The following TPGS2 variants were observed in gnomAD, a reference collection of about 807,000 sequenced individuals.
TPGS2 encodes polyglutamylase subunit 2.
A neutral mutation model predicts 31.1 loss-of-function variants in TPGS2; 26 were observed. That is an observed-to-expected ratio of 0.84 (90% CI 0.61 to 1.16). The LOEUF (loss-of-function observed/expected upper bound fraction) is 1.16, where lower values mean the gene tolerates loss of function less well. Among genes scored for constraint, TPGS2 ranks in the 50% most tolerant of loss-of-function variants. The probability of loss-of-function intolerance (pLI) is 0.00; values close to 1 mark genes in which losing one functional copy is unlikely to be tolerated. For synonymous variants in TPGS2, 130 were observed against 136.6 expected (o/e 0.95, Z 0.34); for missense variants, 351 against 363.8 (o/e 0.96, Z 0.29).
downstream of TPGS2, among the ~76,000 whole-genome samples, chr18:36,791,315 C>T (rs990569051): frequency 6.6e-6 from 1 of 152,140 alleles, no homozygotes; most frequent in African/African-American, 2.4e-5. Context: ...GATTAATATA[C>T]CATCTCCACA....
At chr18:36,822,009 G>A (rs1456179416) in intron 1 of TPGS2, among the ~76,000 whole-genome samples, 2 of 152,168 alleles carry the variant, frequency 1.3e-5, no homozygotes, top group Admixed American at 1.3e-4. Context: ...AGAACAAATG[G>A]GGAGACCAGG....
At chr18:36,800,177 A>G (rs758191432) in intron 5 of TPGS2, 21 bp downstream of exon 5, 3 of 1,608,482 alleles carry the variant, frequency 1.9e-6, no homozygotes, top group Non-Finnish European at 1.7e-6. Context: ...CTACGGGACC[A>G]CGCTTGTAAA....
downstream of TPGS2, chr18:36,780,055 C>T (rs2043964315): frequency 1.0e-6 from 1 of 953,700 alleles, no homozygotes; most frequent in Admixed American, 4.3e-5. Flanking sequence ...AGTTTAATGC[C>T]ATAATGAGAA....
At chr18:36,789,319 T>C (rs1258547493), downstream of TPGS2, 2 of 152,238 alleles carry the variant, frequency 1.3e-5, no homozygotes, top group East Asian at 1.9e-4. Context: ...AAGCCGTGCT[T>C]GCTCTAACTA....
downstream of TPGS2, among the ~76,000 whole-genome samples, chr18:36,791,377 C>A (rs1349018246): frequency 1.3e-5 from 2 of 152,192 alleles, no homozygotes; most frequent in Admixed American, 1.3e-4. Context: ...TTGAGTGGTA[C>A]TGGCATGAAG....
At chr18:36,808,376 T>C (rs749133420) in intron 2 of TPGS2, among the ~76,000 whole-genome samples, 1 of 151,984 alleles carries the variant, frequency 6.6e-6, no homozygotes, top group Non-Finnish European at 1.5e-5. Context: ...AAGTGAAGAG[T>C]GCCTGTAATC....
At chr18:36,828,604 C>G (rs2046311362) in intron 1 of TPGS2, 79 bp downstream of exon 1, 5 of 1,511,926 alleles carry the variant, frequency 3.3e-6, no homozygotes, top group South Asian at 1.2e-5. Context: ...AGCGTCGCAC[C>G]GCTCACCCCG....
At chr18:36,811,715 GGGA>G (rs2045437262) in intron 2 of TPGS2, among the ~76,000 whole-genome samples, 1 of 151,948 alleles carries the variant, frequency 6.6e-6, no homozygotes, top group African/African-American at 2.4e-5. Flanking sequence ...AGGCAACCTT[GGGA>G]AGGCTCGACA....
In TPGS2 at chr18:36,796,033, A is replaced by G. The variant is rs1567999257; in HGVS notation, c.*772T>C. 7.1e-6 allele frequency: 7 copies of G among 985,490 alleles called. No homozygotes were observed. The highest frequency in any genetic ancestry group is 8.4e-6 in the Non-Finnish European group (7 of 829,946). 61.0% of individuals were successfully genotyped at this position (985,490 alleles called of 1,614,324 possible). A position where few individuals can be genotyped will look rare whatever the true frequency, so the allele number is the denominator to read the frequency against. On this transcript the variant is annotated 3_prime_UTR_variant, in exon 7 of 7. Coordinates refer to ENST00000334295, the MANE Select transcript of TPGS2 (RefSeq NM_015476.4). ...TAATTGTGGAACGTGTACAAACATCATAACACAAAACTGGAAGCAAGAAAC... is the reference window on the plus strand; with the variant it reads ...TAATTGTGGAACGTGTACAAACATCGTAACACAAAACTGGAAGCAAGAAAC...
intron 6 of TPGS2, chr18:36,797,948 A>AGAGC: frequency 6.0e-6 from 1 of 165,724 alleles, no homozygotes. Flanking sequence ...TGTTATGTGA[A>AGAGC]AAGAACAAGA....
downstream of TPGS2, chr18:36,780,225 G>A (rs1227176677): frequency 8.2e-7 from 1 of 1,226,808 alleles, no homozygotes; most frequent in South Asian, 4.1e-5. Flanking sequence ...CATCAACAGT[G>A]TGCTCTTTGA....
Position 36,828,986 on chromosome 18 carries a change from C to G in TPGS2, c.-219G>C, listed in dbSNP as rs2046340518. ...GGTGCCCCACACCGCACCTCCGGGA[C>G]GTAGCTTCCCCTTCGCCCCCACCCT... On this transcript the variant is annotated 5_prime_UTR_variant, in exon 1 of 7. Transcript: ENST00000334295. 9.3e-7 allele frequency: 1 copy of G among 1,080,588 alleles called. No homozygotes were observed. The highest frequency in any genetic ancestry group is 1.3e-6 in the Non-Finnish European group (1 of 794,514). 66.9% of individuals were successfully genotyped at this position (1,080,588 alleles called of 1,614,324 possible).
At chr18:36,793,838 C>CG (rs1416920876), downstream of TPGS2, among the ~76,000 whole-genome samples, 2 of 151,730 alleles carry the variant, frequency 1.3e-5, no homozygotes, top group Non-Finnish European at 2.9e-5. Context: ...CCCAGGTTCA[C>CG]GCCATTCTCC....
rs1600777918 is a variant in TPGS2 at position 36,805,241 on chromosome 18, T to C, written c.382+133A>G. On this transcript the variant is annotated intron_variant, in intron 4 of 6. Transcript: ENST00000334295. ...AGATTGTCATGTTCCCTGAATCCTC[T>C]TGATACTGAAATGTTGAGTGAGGTT... The C allele has an allele frequency of 4.7e-6, 5 of 1,061,590 alleles. No individual in the cohort carries two copies. In the East Asian group the frequency reaches 1.0e-4, roughly 21 times the overall value. 65.8% of individuals were successfully genotyped at this position (1,061,590 alleles called of 1,614,324 possible). A position where few individuals can be genotyped will look rare whatever the true frequency, so the allele number is the denominator to read the frequency against.
intron 2 of TPGS2, among the ~76,000 whole-genome samples, chr18:36,809,782 C>T (rs575029781): frequency 6.6e-6 from 1 of 152,320 alleles, no homozygotes; most frequent in African/African-American, 2.4e-5. Flanking sequence ...AAGGAAACTA[C>T]TGTCTATCCG....
At chr18:36,806,810 C>T (rs1414671783) in intron 3 of TPGS2, among the ~76,000 whole-genome samples, 1 of 135,984 alleles carries the variant, frequency 7.4e-6, no homozygotes, top group African/African-American at 3.0e-5. Context: ...GAGATCGCGC[C>T]ACTGTACTCC....
rs61405145 is a variant in TPGS2, at chr18:36,796,499, T to TAATC, written c.*302_*305dup. 3 of 1,120,450 alleles carry TAATC rather than the reference T, an allele frequency of 2.7e-6. No individual in the cohort carries two copies. Among genetic ancestry groups the TAATC allele is most frequent in the African/African-American group, 1.6e-5 (1 of 61,736 alleles). 69.4% of individuals were successfully genotyped at this position (1,120,450 alleles called of 1,614,324 possible). ...CAGTGGTTTCTTTGGGGGACCTCTCTAATCAATCAGTGCTAAGGGATTGAG... is the reference window on the plus strand; with the variant it reads ...CAGTGGTTTCTTTGGGGGACCTCTCTAATCAATCAATCAGTGCTAAGGGATTGAG... On this transcript the variant is annotated 3_prime_UTR_variant, in exon 7 of 7. Coordinates refer to ENST00000334295, the MANE Select transcript of TPGS2 (RefSeq NM_015476.4).
intron 1 of TPGS2, among the ~76,000 whole-genome samples, 171 bp downstream of exon 1, chr18:36,828,507 TCAAGG>T (rs1013476094): frequency 2.0e-5 from 3 of 152,136 alleles, no homozygotes; most frequent in African/African-American, 7.2e-5. Flanking sequence ...GCAAACACTT[TCAAGG>T]CCTAATCACA....
chr18:36,781,396 G>A (rs1176246486), downstream of TPGS2, among the ~76,000 whole-genome samples: 2 of 152,212 alleles, frequency 1.3e-5, no homozygotes, highest in African/African-American at 4.8e-5. Context: ...GCTGACGCCT[G>A]TAATCCCAGC....
Sources: gnomAD v4.1 joint callset for allele counts (sites outside exome capture counted in the v4.1 genomes callset) on GRCh38, gnomAD v4.1.1 for gene constraint, MANE v1.5 for transcripts, NCBI Gene and HGNC (gene_info 2026-07-23, HGNC 2026-07-21) for gene names.